Variants in BRAF observed in about 807,000 individuals in gnomAD.
The protein encoded by BRAF is B-Raf proto-oncogene, serine/threonine kinase.
In BRAF, 16 loss-of-function variants were observed where a neutral mutation model predicts 104.6. That is an observed-to-expected ratio of 0.15 (90% CI 0.10 to 0.23). BRAF has a LOEUF of 0.23. BRAF is among the 10% of genes least tolerant of loss of function. BRAF has a pLI of 1.00. For missense variants in BRAF, 541 were observed against 937.3 expected, an observed-to-expected ratio of 0.58 and a Z score of 5.52; for synonymous variants, 310 against 341.6, an observed-to-expected ratio of 0.91 and a Z score of 1.02.
intron 1 of BRAF, among the ~76,000 whole-genome samples, chr7:140,883,882 G>A (rs1339202788): frequency 6.6e-6 from 1 of 152,168 alleles, no homozygotes; most frequent in Non-Finnish European, 1.5e-5. Flanking sequence ...TGTATTCCAT[G>A]TTACAGATAA....
At chr7:140,831,877 C>G (rs1321768678) in intron 3 of BRAF, among the ~76,000 whole-genome samples, 1 of 152,202 alleles carries the variant, frequency 6.6e-6, no homozygotes, top group Non-Finnish European at 1.5e-5. Flanking sequence ...ACTAATTACT[C>G]TGACGACTAC....
chr7:140,718,960 A>C (rs1795200503), downstream of BRAF, among the ~76,000 whole-genome samples: 1 of 152,228 alleles, frequency 6.6e-6, no homozygotes, highest in Admixed American at 6.5e-5. Context: ...AAAAAATACA[A>C]TTCTAAGGTG....
intron 1 of BRAF, among the ~76,000 whole-genome samples, chr7:140,875,687 T>C (rs767164494): frequency 6.6e-6 from 1 of 152,134 alleles, no homozygotes; most frequent in Non-Finnish European, 1.5e-5. Flanking sequence ...CTAAAAATTA[T>C]CTTGAAAACA....
chr7:140,891,185 AC>A (rs924584472), intron 1 of BRAF, among the ~76,000 whole-genome samples: 3 of 152,156 alleles, frequency 2.0e-5, no homozygotes, highest in Admixed American at 6.5e-5. Context: ...AGAGGGGAAA[AC>A]AAAAGTACTT....
At chr7:140,734,868 G>A in intron 18 of BRAF, 98 bp from the exon 18 acceptor site, 1 of 1,361,114 alleles carries the variant, frequency 7.3e-7, no homozygotes, top group South Asian at 1.4e-5. Flanking sequence ...GAAAATCTGG[G>A]TGGTATAAAT....
intron 1 of BRAF, among the ~76,000 whole-genome samples, chr7:140,906,410 C>G (rs1816335915): frequency 6.6e-6 from 1 of 152,184 alleles, no homozygotes; most frequent in Non-Finnish European, 1.5e-5. Flanking sequence ...CTATGTTGCC[C>G]AGGCTGGTCT....
In BRAF at chr7:140,722,694, T is replaced by C. The variant is rs1205166401; in HGVS notation, c.*3800A>G. On this transcript the variant is annotated 3_prime_UTR_variant, in exon 20 of 20. Transcript: ENST00000644969. ...CCCTCTTAGCTGGGTGGTCTTTCTA[T>C]GAATGCCTGTGCATGTGACAAAGCT... 1.0e-5 allele frequency: 11 copies of C among 1,051,214 alleles called. No homozygotes were observed. The highest frequency in any genetic ancestry group is 6.6e-5 in the African/African-American group (4 of 60,350). 65.1% of individuals were successfully genotyped at this position (1,051,214 alleles called of 1,614,324 possible). A position where few individuals can be genotyped will look rare whatever the true frequency, so the allele number is the denominator to read the frequency against.
At chr7:140,751,582 G>C (rs1055318126) in intron 16 of BRAF, among the ~76,000 whole-genome samples, 1 of 152,110 alleles carries the variant, frequency 6.6e-6, no homozygotes, top group Admixed American at 6.5e-5. Context: ...AAATCTACTA[G>C]TCCAACTCAA....
chr7:140,740,604 T>A (rs1233731367), intron 17 of BRAF: 2 of 152,302 alleles, frequency 1.3e-5, no homozygotes, highest in African/African-American at 4.8e-5. Flanking sequence ...GGGATAGATG[T>A]TAGGAGTCTT....
intron 1 of BRAF, among the ~76,000 whole-genome samples, chr7:140,886,435 T>C (rs2129109628): frequency 6.6e-6 from 1 of 152,288 alleles, no homozygotes; most frequent in Non-Finnish European, 1.5e-5. Flanking sequence ...CTAAACTTCC[T>C]AGTACAGAGT....
intron 18 of BRAF, among the ~76,000 whole-genome samples, chr7:140,737,630 A>T (rs964794830): frequency 8.5e-5 from 13 of 152,142 alleles, no homozygotes; most frequent in African/African-American, 2.9e-4. Flanking sequence ...AAGTTTAAAA[A>T]TTTTTAATGT....
chr7:140,760,554 C>T (rs1056757262), intron 14 of BRAF, among the ~76,000 whole-genome samples: 7 of 151,148 alleles, frequency 4.6e-5, no homozygotes, highest in African/African-American at 9.7e-5. Flanking sequence ...GTTTTACTGT[C>T]GAAGGAAGAA....
chr7:140,815,991 A>G (rs908425386), intron 3 of BRAF, among the ~76,000 whole-genome samples: 3 of 152,164 alleles, frequency 2.0e-5, no homozygotes, highest in Non-Finnish European at 4.4e-5. Flanking sequence ...AAGTTAATCA[A>G]TTACTTTATT....
chr7:140,741,956 C>CAA (rs541718913), intron 17 of BRAF, among the ~76,000 whole-genome samples: 1,649 of 140,814 alleles, frequency 0.012, 33 homozygotes, highest in African/African-American at 0.04. Flanking sequence ...GAGACTGTCT[C>CAA]AAAAAAAAAA....
In BRAF at chr7:140,924,774, G is replaced by GGGAGGC. The variant is rs727502907; in HGVS notation, c.-77_-72dup. 6.1e-4 allele frequency: 359 copies of GGGAGGC among 586,852 alleles called. 1 individual carries two copies. Among genetic ancestry groups the GGGAGGC allele is most frequent in the African/African-American group, 1.5e-3 (75 of 50,652 alleles). The allele number at this position is 586,852 out of a possible 1,614,324, so 36.4% of individuals were successfully genotyped here. On this transcript the variant is annotated 5_prime_UTR_variant, in exon 1 of 20. Transcript: ENST00000644969. The surrounding 1 kb of genome is among the most constrained non-coding windows in gnomAD (Gnocchi z 4.2). ...AGGGGGAAGGGAGGCGGAGAGCTGG[G>GGGAGGC]GGAGGCGGAGGCGGAGGCGGAGGCG...
chr7:140,887,791 G>A (rs900024376), intron 1 of BRAF, among the ~76,000 whole-genome samples: 6 of 152,066 alleles, frequency 3.9e-5, no homozygotes, highest in Admixed American at 1.3e-4. Flanking sequence ...ACAGCTCACC[G>A]CAGGCTCAAA....
At position 140,843,228 on chromosome 7, in the gene BRAF, A is replaced by G. The variant is rs574941410; in HGVS notation, c.240+6883T>C. The stretch of plus-strand genomic sequence containing the variant: ...GGAAGAGTTATAGAGGATTTTTGAG[A>G]AAGATTTTCTTCCTAGCAAGAGCTT... On this transcript the variant is annotated intron_variant, in intron 2 of 19. Coordinates refer to ENST00000644969, the MANE Select transcript of BRAF (RefSeq NM_001374258.1). Among the ~76,000 whole-genome samples, 6 of 152,284 alleles carry G rather than the reference A, an allele frequency of 3.9e-5. No individual in the cohort carries two copies. The East Asian group carries it at 1.2e-3, about 29-fold the overall frequency.
downstream of BRAF, among the ~76,000 whole-genome samples, chr7:140,715,227 TG>T (rs1795108413): frequency 6.6e-6 from 1 of 152,166 alleles, no homozygotes; most frequent in South Asian, 2.1e-4. Flanking sequence ...CTGAAGCAAG[TG>T]GAACAGTTGC....
chr7:140,791,100 C>G (rs1484418553), intron 8 of BRAF, among the ~76,000 whole-genome samples: 1 of 151,938 alleles, frequency 6.6e-6, no homozygotes, highest in Non-Finnish European at 1.5e-5. Context: ...GACTCCATCT[C>G]AAAAAACAAA....
Sources: gnomAD v4.1 joint callset for allele counts (sites outside exome capture counted in the v4.1 genomes callset) on GRCh38, gnomAD v4.1.1 for gene constraint, Gnocchi (gnomAD v3.1) non-coding constraint, MANE v1.5 for transcripts, NCBI Gene and HGNC (gene_info 2026-07-23, HGNC 2026-07-21) for gene names.